The following RANBP2 variants were observed in gnomAD, a reference collection of about 807,000 sequenced individuals.
RANBP2 encodes the protein RAN binding protein 2, also known as E3 SUMO-protein ligase RanBP2.
In RANBP2, 57 loss-of-function variants were observed where a neutral mutation model predicts 303.6. That is an observed-to-expected ratio of 0.19 (90% CI 0.15 to 0.23). The LOEUF (loss-of-function observed/expected upper bound fraction) is 0.23. Ranked by LOEUF, RANBP2 falls within the 10% of genes least tolerant of loss-of-function variation. The pLI is 1.00. For missense variants in RANBP2, 3,138 were observed against 3,780.8 expected (o/e 0.83, Z 4.46); for synonymous variants, 1,167 against 1,301.5 (o/e 0.90, Z 2.23).
the RANBP2 span, among the ~76,000 whole-genome samples, chr2:109,078,137 C>CA: frequency 2.8e-5 from 1 of 35,202 alleles, no homozygotes; most frequent in South Asian, 6.6e-4. Context: ...ATATATATAG[C>CA]GTGTATATAT....
chr2:108,796,437 C>G, the RANBP2 span, among the ~76,000 whole-genome samples: 1 of 152,124 alleles, frequency 6.6e-6, no homozygotes, highest in East Asian at 1.9e-4. Flanking sequence ...GTTCCTTAAA[C>G]TATAAGTAGA....
chr2:109,321,048 A>T, the RANBP2 span, among the ~76,000 whole-genome samples: 1 of 152,124 alleles, frequency 6.6e-6, no homozygotes, highest in Admixed American at 6.5e-5. Flanking sequence ...GCTCTTACTG[A>T]TAACTTATAG....
the RANBP2 span, among the ~76,000 whole-genome samples, chr2:109,554,834 C>A: frequency 0.017 from 2,519 of 152,168 alleles, 82 homozygotes; most frequent in African/African-American, 0.056. Flanking sequence ...TGAAGCCACC[C>A]GTGTTAGTGC....
chr2:109,085,601 CTTT>C, the RANBP2 span, among the ~76,000 whole-genome samples: 1 of 132,172 alleles, frequency 7.6e-6, no homozygotes. Context: ...CCACACCTGG[CTTT>C]TTTTTTTTTT....
At chr2:109,217,956 G>A in the RANBP2 span, among the ~76,000 whole-genome samples, 2 of 152,310 alleles carry the variant, frequency 1.3e-5, no homozygotes, top group East Asian at 1.9e-4. Flanking sequence ...TCCCTCGAGG[G>A]CTCTGCCTTG....
chr2:109,181,706 A>G, the RANBP2 span, among the ~76,000 whole-genome samples: 1 of 151,970 alleles, frequency 6.6e-6, no homozygotes, highest in Non-Finnish European at 1.5e-5. Context: ...CTCTGAGTCT[A>G]CTCTCCTGCC....
chr2:109,384,043 G>GA, the RANBP2 span, among the ~76,000 whole-genome samples: 1 of 152,182 alleles, frequency 6.6e-6, no homozygotes, highest in Admixed American at 6.5e-5. Context: ...TCCATCAGAG[G>GA]ACCACTTGCT....
At chr2:109,588,928 C>A in the RANBP2 span, among the ~76,000 whole-genome samples, 1 of 148,056 alleles carries the variant, frequency 6.8e-6, no homozygotes, top group Non-Finnish European at 1.5e-5. Context: ...TAAAAATTCT[C>A]TATTAATCCA....
At chr2:108,781,463 C>CT in intron 26 of RANBP2, 34 bp downstream of exon 26, 1 of 1,606,020 alleles carries the variant, frequency 6.2e-7, no homozygotes, top group African/African-American at 1.3e-5. Flanking sequence ...TTACTAATAA[C>CT]TTATTTTTCA....
the RANBP2 span, among the ~76,000 whole-genome samples, chr2:109,022,460 G>C: frequency 7.9e-5 from 12 of 152,342 alleles, no homozygotes; most frequent in Admixed American, 3.3e-4. Context: ...ATGGTGGACA[G>C]TTCCCTTTTG....
the RANBP2 span, among the ~76,000 whole-genome samples, chr2:109,061,126 T>G: frequency 6.6e-6 from 1 of 151,988 alleles, no homozygotes; most frequent in Non-Finnish European, 1.5e-5. Context: ...GGATGTAAAG[T>G]TTGTAGGTCA....
At chr2:108,848,691 C>A in the RANBP2 span, among the ~76,000 whole-genome samples, 73 of 152,194 alleles carry the variant, frequency 4.8e-4, 2 homozygotes, top group South Asian at 7.4e-3. Flanking sequence ...TGATTTATAA[C>A]AAGTAAAACA....
chr2:108,983,687 A>G, the RANBP2 span, among the ~76,000 whole-genome samples: 1 of 152,212 alleles, frequency 6.6e-6, no homozygotes, highest in Non-Finnish European at 1.5e-5. Context: ...CGAGGAAGGA[A>G]ATCAAACTTT....
At chr2:109,683,699 C>T in the RANBP2 span, among the ~76,000 whole-genome samples, 1 of 152,078 alleles carries the variant, frequency 6.6e-6, no homozygotes, top group East Asian at 1.9e-4. Flanking sequence ...TTGCAGGACC[C>T]TTTGCCCAAA....
the RANBP2 span, chr2:108,897,365 C>G: frequency 4.6e-6 from 4 of 863,558 alleles, no homozygotes; most frequent in East Asian, 1.1e-4. Context: ...AGAAAGCCAC[C>G]TAAAACAAAT....
the RANBP2 span, among the ~76,000 whole-genome samples, chr2:109,517,033 A>G: frequency 6.6e-6 from 1 of 152,090 alleles, no homozygotes; most frequent in Non-Finnish European, 1.5e-5. Flanking sequence ...CACATGGCTG[A>G]GCTTTGCTCC....
chr2:108,853,893 ATATATAT>A, the RANBP2 span, among the ~76,000 whole-genome samples: 1,704 of 123,058 alleles, frequency 0.014, 48 homozygotes, highest in African/African-American at 0.051. Context: ...ATTATATAGT[ATATATAT>A]TATATATTAT....
chr2:109,480,396 G>A, the RANBP2 span, among the ~76,000 whole-genome samples: 1 of 152,192 alleles, frequency 6.6e-6, no homozygotes, highest in South Asian at 2.1e-4. Context: ...GTGCATGGCT[G>A]GTGAGTAGTG....
At chr2:109,325,005 G>A in the RANBP2 span, among the ~76,000 whole-genome samples, 1 of 152,002 alleles carries the variant, frequency 6.6e-6, no homozygotes, top group Admixed American at 6.6e-5. Flanking sequence ...TCTGGGAGAG[G>A]CCTTTGGCTT....
Sources: gnomAD v4.1 joint callset for allele counts (sites outside exome capture counted in the v4.1 genomes callset) on GRCh38, gnomAD v4.1.1 for gene constraint, MANE v1.5 for transcripts, NCBI Gene and HGNC (gene_info 2026-07-23, HGNC 2026-07-21) for gene names.